The following ACO2 variants were observed in gnomAD, a reference collection of about 807,000 sequenced individuals.
The protein encoded by ACO2 is aconitase 2, also known as aconitate hydratase, mitochondrial.
Under a neutral mutation model 84.5 loss-of-function variants are expected in ACO2, and 31 were observed. The observed-to-expected ratio is 0.37, with a 90% CI of 0.28 to 0.50. The LOEUF (loss-of-function observed/expected upper bound fraction) is 0.50, where lower values mean the gene tolerates loss of function less well. Among genes scored for constraint, ACO2 ranks in the 20% least tolerant of loss-of-function variants. The pLI is 0.97. For synonymous variants in ACO2, 414 were observed against 412.7 expected (o/e 1.00, Z -0.04); for missense variants, 685 against 1,029.3 (o/e 0.67, Z 4.58).
chr22:41,497,110 C>G (rs1313420843), intron 1 of ACO2, among the ~76,000 whole-genome samples: 3 of 151,716 alleles, frequency 2.0e-5, no homozygotes, highest in Admixed American at 2.0e-4. Flanking sequence ...GCTCTGTCAC[C>G]CAGGCTGGAG....
intron 1 of ACO2, among the ~76,000 whole-genome samples, chr22:41,476,458 A>T (rs555506651): frequency 7.4e-4 from 112 of 150,704 alleles, no homozygotes; most frequent in Non-Finnish European, 1.5e-3. Context: ...CTGTAATCCC[A>T]GCATTTTGGG....
intron 3 of ACO2, among the ~76,000 whole-genome samples, chr22:41,511,391 T>C (rs952123761): frequency 2.6e-5 from 4 of 152,166 alleles, no homozygotes; most frequent in Non-Finnish European, 5.9e-5. Flanking sequence ...AGGCTGGTCT[T>C]GAACTCCTGA....
intron 1 of ACO2, 53 bp from the exon 2 acceptor site, chr22:41,499,673 A>C (rs1601901121): frequency 6.3e-7 from 1 of 1,583,694 alleles, no homozygotes; most frequent in East Asian, 2.3e-5. Flanking sequence ...GCCCTCGGGG[A>C]TGGACTCTCC....
At chr22:41,513,222 C>G (rs1459254624) in intron 4 of ACO2, among the ~76,000 whole-genome samples, 1 of 152,204 alleles carries the variant, frequency 6.6e-6, no homozygotes, top group Non-Finnish European at 1.5e-5. Flanking sequence ...CCCTTTCTAC[C>G]TCAGTACAAA....
chr22:41,470,768 C>G (rs758141097), intron 1 of ACO2, among the ~76,000 whole-genome samples: 1 of 152,092 alleles, frequency 6.6e-6, no homozygotes, highest in African/African-American at 2.4e-5. Flanking sequence ...GTCACAAACT[C>G]CTGACCTCAA....
chr22:41,512,138 A>T, intron 4 of ACO2, 170 bp downstream of exon 4: 1 of 532,990 alleles, frequency 1.9e-6, no homozygotes, highest in Non-Finnish European at 3.3e-6. Flanking sequence ...TCATTATGTC[A>T]TTATACGTGC....
At chr22:41,523,808 C>A in intron 11 of ACO2, 22 bp from the exon 12 acceptor site, 1 of 1,601,626 alleles carries the variant, frequency 6.2e-7, no homozygotes, top group South Asian at 1.1e-5. Flanking sequence ...TATCCCTAAC[C>A]CTGATCCCTC....
At chr22:41,485,119 C>T (rs1264232362) in intron 1 of ACO2, among the ~76,000 whole-genome samples, 2 of 152,046 alleles carry the variant, frequency 1.3e-5, no homozygotes, top group Non-Finnish European at 2.9e-5. Context: ...TCAGGTAATC[C>T]ACCCACCTCA....
intron 4 of ACO2, among the ~76,000 whole-genome samples, chr22:41,513,401 C>T (rs141860433): frequency 1.2e-4 from 19 of 152,330 alleles, no homozygotes; most frequent in Admixed American, 2.6e-4. Flanking sequence ...ACTTTCTTCC[C>T]GCCTTGATGT....
At chr22:41,483,128 G>GAA (rs1421342440) in intron 1 of ACO2, among the ~76,000 whole-genome samples, 4 of 152,178 alleles carry the variant, frequency 2.6e-5, no homozygotes, top group Non-Finnish European at 5.9e-5. Context: ...AGGGCGCAGT[G>GAA]AAAGTATTTC....
chr22:41,469,251 C>T lies in ACO2; in HGVS notation c.36+69C>T, dbSNP rs1455122803. ...CTCCTACTGTGCCGGCGGCTGTGGG[C>T]GAGGCAGGGCGAGGCGGGCCCAACC... On this transcript the variant is annotated intron_variant, in intron 1 of 17. Coordinates refer to ENST00000216254, the MANE Select transcript of ACO2 (RefSeq NM_001098.3). 5 of 1,540,044 alleles carry T rather than the reference C, an allele frequency of 3.2e-6. No individual in the cohort carries two copies. In the Admixed American group the frequency reaches 5.9e-5, roughly 18 times the overall value.
At position 41,477,360 on chromosome 22, in the gene ACO2, G is replaced by A. The variant is rs565660560; in HGVS notation, c.36+8178G>A. Among the ~76,000 whole-genome samples, 16 of 151,224 alleles carry A rather than the reference G, an allele frequency of 1.1e-4. No homozygotes were observed. In the East Asian group the frequency reaches 1.4e-3, roughly 13 times the overall value. ...TTTTTTAGTAGAGATGGGGTTTCACGGTGTTAGCCAGGATGGTCTCAATCT... is the reference window on the plus strand; with the variant it reads ...TTTTTTAGTAGAGATGGGGTTTCACAGTGTTAGCCAGGATGGTCTCAATCT... On this transcript the variant is annotated intron_variant, in intron 1 of 17. Coordinates refer to ENST00000216254, the MANE Select transcript of ACO2 (RefSeq NM_001098.3).
intron 9 of ACO2, chr22:41,521,709 GT>G (rs1166203631): frequency 6.6e-6 from 1 of 151,760 alleles, no homozygotes; most frequent in East Asian, 1.9e-4. Flanking sequence ...TAATTAGAAA[GT>G]AAATTACTAA....
chr22:41,510,921 G>C (rs949783621), intron 3 of ACO2, among the ~76,000 whole-genome samples: 1 of 152,162 alleles, frequency 6.6e-6, no homozygotes, highest in African/African-American at 2.4e-5. Flanking sequence ...CAGCACTTCC[G>C]ACAGTCAGAC....
intron 1 of ACO2, among the ~76,000 whole-genome samples, chr22:41,484,567 A>G (rs2038128816): frequency 1.3e-5 from 2 of 152,100 alleles, no homozygotes; most frequent in Admixed American, 1.3e-4. Context: ...AATAGAGACT[A>G]GGTCTCACTA....
intron 7 of ACO2, 107 bp from the exon 8 acceptor site, chr22:41,518,374 G>T: frequency 9.9e-6 from 8 of 808,436 alleles, no homozygotes; most frequent in Middle Eastern, 3.8e-4. Context: ...CCTAGTCAGT[G>T]CCCAGGGTGG....
intron 1 of ACO2, among the ~76,000 whole-genome samples, chr22:41,472,719 A>T (rs2037961346): frequency 6.6e-6 from 1 of 152,174 alleles, no homozygotes; most frequent in Admixed American, 6.5e-5. Flanking sequence ...AAGTGCTGAG[A>T]TTACAAGCGT....
chr22:41,515,730 A>G lies in ACO2; in HGVS notation c.685-37A>G. 1.9e-6 allele frequency: 3 copies of G among 1,612,018 alleles called. No individual in the cohort carries two copies. The highest frequency in any genetic ancestry group is 2.5e-6 in the Non-Finnish European group (3 of 1,179,690). On this transcript the variant is annotated intron_variant, in intron 5 of 17. Coordinates refer to ENST00000216254, the MANE Select transcript of ACO2 (RefSeq NM_001098.3). This position sits in a 1 kb window ranked among gnomAD's most constrained non-coding sequence, Gnocchi z 5.8. ...GACTTCGTGGCTGGCACAGGCACACACGGCCTCTCACAGCCGCCTCGCCCC... is the reference window on the plus strand; with the variant it reads ...GACTTCGTGGCTGGCACAGGCACACGCGGCCTCTCACAGCCGCCTCGCCCC...
At chr22:41,525,854 A>T (rs1385923848) in intron 14 of ACO2, 1 of 199,322 alleles carries the variant, frequency 5.0e-6, no homozygotes, top group Non-Finnish European at 1.0e-5. Context: ...TATGCTGCTT[A>T]TTAAGGGGTC....
Sources: allele counts gnomAD v4.1 joint callset (sites outside exome capture counted in the v4.1 genomes callset), GRCh38; gene constraint gnomAD v4.1.1; non-coding constraint Gnocchi (gnomAD v3.1); transcripts MANE v1.5; gene names NCBI Gene and HGNC (gene_info 2026-07-23, HGNC 2026-07-21).